Variants in DHRSX observed in about 807,000 individuals in gnomAD.
The protein encoded by DHRSX is dehydrogenase/reductase X-linked.
Under a neutral mutation model 34.0 loss-of-function variants are expected in DHRSX, and 31 were observed. The ratio of observed to expected loss-of-function variants is 0.91; its 90% CI spans 0.69 to 1.23. DHRSX has a LOEUF of 1.23. Among genes scored for constraint, DHRSX ranks in the 50% most tolerant of loss-of-function variants. The pLI is 0.00. For missense variants in DHRSX, 414 were observed against 428.1 expected (o/e 0.97, Z 0.29); for synonymous variants, 201 against 183.8 (o/e 1.09, Z -0.76).
intron 1 of DHRSX, among the ~76,000 whole-genome samples, chrX:2,482,187 T>TG (rs1485363201): frequency 6.6e-6 from 1 of 151,368 alleles, no homozygotes; most frequent in Non-Finnish European, 1.5e-5. Flanking sequence ...TGGAGTGCAG[T>TG]GGTGCGATCA....
intron 1 of DHRSX, among the ~76,000 whole-genome samples, chrX:2,453,508 C>T (rs1434508544): frequency 2.0e-5 from 3 of 151,390 alleles, no homozygotes; most frequent in Non-Finnish European, 2.9e-5. Context: ...ACCATCTCTA[C>T]AAAAAATTTA....
At chrX:2,298,959 T>C (rs913152545) in intron 3 of DHRSX, among the ~76,000 whole-genome samples, 1 of 121,520 alleles carries the variant, frequency 8.2e-6, no homozygotes, top group African/African-American at 3.3e-5. Context: ...CACTCCAGCC[T>C]GGGCAACAAG....
chrX:2,479,490 A>ACCGTGTACGCACTGAAGACATT (rs1199158506), intron 1 of DHRSX, among the ~76,000 whole-genome samples: 1 of 150,926 alleles, frequency 6.6e-6, no homozygotes, highest in African/African-American at 2.4e-5. Flanking sequence ...CTACGGGACC[A>ACCGTGTACGCACTGAAGACATT]CCGTGTACGC....
rs181028624 is a variant in DHRSX at position 2,274,345 on chromosome X, T to C, written c.389-7398A>G. Reference sequence around the variant, plus strand: ...GAGCCACTGCACCCAGCCCTACTAATATTATTATTTTTTTGGAGACAGAGT... The same window carrying C: ...GAGCCACTGCACCCAGCCCTACTAACATTATTATTTTTTTGGAGACAGAGT... On this transcript the variant is annotated intron_variant, in intron 4 of 6. Transcript: ENST00000334651. 1.5e-3 allele frequency among the ~76,000 whole-genome samples: 224 copies of C among 149,934 alleles called. 5 individuals carry two copies. In the East Asian group the frequency reaches 0.043, roughly 29 times the overall value.
chrX:2,295,515 G>A (rs942028988), intron 3 of DHRSX, among the ~76,000 whole-genome samples: 8 of 152,142 alleles, frequency 5.3e-5, no homozygotes, highest in African/African-American at 1.7e-4. Context: ...CATGGCACGT[G>A]TATACCTATG....
chrX:2,452,856 G>A (rs890832233), intron 1 of DHRSX, among the ~76,000 whole-genome samples: 12 of 152,246 alleles, frequency 7.9e-5, no homozygotes, highest in African/African-American at 2.9e-4. Context: ...AACATCAGAG[G>A]AAAGAATGGT....
At chrX:2,226,875 CAGGT>C (rs1360952417) in intron 6 of DHRSX, among the ~76,000 whole-genome samples, 1 of 152,026 alleles carries the variant, frequency 6.6e-6, no homozygotes, top group African/African-American at 2.4e-5. Flanking sequence ...GAGAATGTGA[CAGGT>C]AGGGAAAACA....
intron 4 of DHRSX, among the ~76,000 whole-genome samples, chrX:2,272,406 T>C (rs2124469959): frequency 6.6e-6 from 1 of 152,262 alleles, no homozygotes; most frequent in Non-Finnish European, 1.5e-5. Flanking sequence ...AAAGCAGGCC[T>C]GCAAATTCTT....
chrX:2,284,818 G>A (rs1011188059), intron 4 of DHRSX, among the ~76,000 whole-genome samples: 8 of 152,220 alleles, frequency 5.3e-5, no homozygotes, highest in South Asian at 2.1e-4. Flanking sequence ...GACAGAGGCA[G>A]TCAGGTTCTA....
intron 1 of DHRSX, among the ~76,000 whole-genome samples, chrX:2,462,666 G>A (rs937982936): frequency 6.6e-6 from 1 of 152,036 alleles, no homozygotes; most frequent in Non-Finnish European, 1.5e-5. Context: ...GGCTTCCCCA[G>A]GTACTGCAAA....
chrX:2,446,289 G>A (rs1422240425), intron 1 of DHRSX, among the ~76,000 whole-genome samples: 2 of 151,250 alleles, frequency 1.3e-5, no homozygotes, highest in Non-Finnish European at 2.9e-5. Flanking sequence ...TAAGAATGTG[G>A]ACAGGGGACT....
chrX:2,361,200 T>A (rs2042930256), intron 3 of DHRSX, among the ~76,000 whole-genome samples: 2 of 152,020 alleles, frequency 1.3e-5, no homozygotes, highest in African/African-American at 2.4e-5. Flanking sequence ...AACCTCCACC[T>A]CCCGGGTTCA....
chrX:2,283,759 T>C (rs1409183701), intron 4 of DHRSX, among the ~76,000 whole-genome samples: 1 of 152,256 alleles, frequency 6.6e-6, no homozygotes, highest in Non-Finnish European at 1.5e-5. Flanking sequence ...ATTCATTTGA[T>C]TCCATTCATT....
At chrX:2,497,234 A>G (rs1569350718) in intron 1 of DHRSX, among the ~76,000 whole-genome samples, 1 of 152,092 alleles carries the variant, frequency 6.6e-6, no homozygotes, top group Non-Finnish European at 1.5e-5. Flanking sequence ...ATCTCACTAA[A>G]AATACAAAAT....
intron 1 of DHRSX, among the ~76,000 whole-genome samples, chrX:2,444,593 G>A (rs1468548112): frequency 6.6e-6 from 1 of 152,192 alleles, no homozygotes; most frequent in Non-Finnish European, 1.5e-5. Flanking sequence ...CACTCTGGGA[G>A]GCCCAGGTGG....
Position 2,484,756 on chromosome X carries a change from G to A in DHRSX, c.109+16061C>T, listed in dbSNP as rs762237491. ...GCCTGAGATCACAGAGGGGAAAACAGTAGAACTGCTGCCCAAGCACATCTG... is the reference window on the plus strand; with the variant it reads ...GCCTGAGATCACAGAGGGGAAAACAATAGAACTGCTGCCCAAGCACATCTG... On this transcript the variant is annotated intron_variant, in intron 1 of 6. Transcript: ENST00000334651. 2.0e-5 allele frequency among the ~76,000 whole-genome samples: 3 copies of A among 152,270 alleles called. No homozygotes were observed. In the East Asian group the frequency reaches 5.8e-4, roughly 29 times the overall value.
chrX:2,489,249 G>C, intron 1 of DHRSX: 1 of 1,613,946 alleles, frequency 6.2e-7, no homozygotes, highest in Non-Finnish European at 8.5e-7. Flanking sequence ...TCCACCTGCT[G>C]CCGCTCGAAG....
intron 3 of DHRSX, among the ~76,000 whole-genome samples, chrX:2,319,297 C>T (rs1248247187): frequency 6.6e-6 from 1 of 150,412 alleles, no homozygotes; most frequent in African/African-American, 2.4e-5. Context: ...ATAATCCCAG[C>T]AGTTTGGGAG....
intron 3 of DHRSX, among the ~76,000 whole-genome samples, chrX:2,366,440 C>CAA (rs754305983): frequency 7.7e-6 from 1 of 129,820 alleles, no homozygotes. Context: ...AACTCAGTCT[C>CAA]AAAAAAAAAA....
Sources: allele counts gnomAD v4.1 joint callset (sites outside exome capture counted in the v4.1 genomes callset), GRCh38; gene constraint gnomAD v4.1.1; transcripts MANE v1.5; gene names NCBI Gene and HGNC (gene_info 2026-07-23, HGNC 2026-07-21).